The following POU2F1 variants were observed in gnomAD, a reference collection of about 807,000 sequenced individuals.
POU2F1 encodes POU domain, class 2, transcription factor 1.
POU2F1 carries 16 observed loss-of-function variants against 84.9 expected under a neutral mutation model. The ratio of observed to expected loss-of-function variants is 0.19; its 90% confidence interval spans 0.13 to 0.29. The LOEUF is 0.29. POU2F1 is among the 10% of genes least tolerant of loss of function. POU2F1 has a pLI of 1.00. For missense variants in POU2F1, 738 were observed against 942.6 expected, an observed-to-expected ratio of 0.78 and a Z score of 2.84; for synonymous variants, 368 against 368.3, an observed-to-expected ratio of 1.00 and a Z score of 0.01.
chr1:167,282,301 G>A (rs1039779509), intron 1 of POU2F1, among the ~76,000 whole-genome samples: 16 of 151,832 alleles, frequency 1.1e-4, no homozygotes, highest in Admixed American at 2.6e-4. Context: ...CCGCCACCAC[G>A]CCCAGCTAAT....
chr1:167,294,859 C>T (rs773861236), intron 1 of POU2F1, among the ~76,000 whole-genome samples: 16 of 151,988 alleles, frequency 1.1e-4, no homozygotes, highest in Non-Finnish European at 1.5e-4. Context: ...GAAGGCTGGG[C>T]ACGGTGGCTC....
Position 167,417,929 on chromosome 1 carries a change from T to C in POU2F1, c.*2119T>C, listed in dbSNP as rs1650414830. ...TCTATCGTGTTTTATTTCACAGATA[T>C]TTAATTACCACCCCTAAATTTCCTC... On this transcript the variant is annotated 3_prime_UTR_variant, in exon 16 of 16. Transcript: ENST00000367866. The C allele has an allele frequency of 6.6e-6, 1 of 152,230 alleles. No homozygotes were observed. The highest frequency in any genetic ancestry group is 1.5e-5 in the Non-Finnish European group (1 of 68,042). The allele number at this position is 152,230 out of a possible 1,614,324, so 9.4% of individuals were successfully genotyped here.
intron 15 of POU2F1, among the ~76,000 whole-genome samples, chr1:167,413,780 C>T (rs1045291544): frequency 6.6e-6 from 1 of 152,106 alleles, no homozygotes; most frequent in Admixed American, 6.6e-5. Flanking sequence ...AGCTTTCTGT[C>T]TAAAAATGTT....
intron 1 of POU2F1, among the ~76,000 whole-genome samples, chr1:167,237,084 A>AT (rs1331121170): frequency 6.6e-6 from 1 of 152,168 alleles, no homozygotes; most frequent in East Asian, 1.9e-4. Context: ...GAAGCTGACA[A>AT]TAAGGAGGAA....
Position 167,378,402 on chromosome 1 carries a change from ATTT to A in POU2F1, c.718+2266_718+2268del, listed in dbSNP as rs71572454. ...AGGCATGCGCCACCATGCCCAGCTAATTTTTTTTTTTTTTTTTTTTTGAGACAT... is the reference window on the plus strand; with the variant it reads ...AGGCATGCGCCACCATGCCCAGCTAATTTTTTTTTTTTTTTTTTGAGACAT... On this transcript the variant is annotated intron_variant, in intron 7 of 15. Transcript: ENST00000367866. Among the ~76,000 whole-genome samples the A allele has an allele frequency of 3.8e-4, 41 of 108,414 alleles. 1 individual carries two copies. The highest frequency in any genetic ancestry group is 1.2e-3 in the African/African-American group (33 of 28,110). The allele number at this position is 108,414 out of a possible 152,430, so 71.1% of individuals were successfully genotyped here.
At chr1:167,319,527 G>A (rs979622483) in intron 1 of POU2F1, among the ~76,000 whole-genome samples, 6 of 152,004 alleles carry the variant, frequency 3.9e-5, no homozygotes, top group Non-Finnish European at 7.4e-5. Context: ...ACTATGGCTT[G>A]TCCTTGAGAA....
At chr1:167,274,096 T>C (rs1652557522) in intron 1 of POU2F1, among the ~76,000 whole-genome samples, 1 of 152,322 alleles carries the variant, frequency 6.6e-6, no homozygotes, top group African/African-American at 2.4e-5. Flanking sequence ...TTCCTTATAA[T>C]AGTTGAAGAG....
intron 1 of POU2F1, among the ~76,000 whole-genome samples, chr1:167,283,467 G>A (rs1401591377): frequency 6.6e-6 from 1 of 152,150 alleles, no homozygotes; most frequent in African/African-American, 2.4e-5. Context: ...TCCAGTAAAT[G>A]TTTGCTGGAA....
chr1:167,222,082 G>C (rs1397801676), intron 1 of POU2F1, among the ~76,000 whole-genome samples: 1 of 152,098 alleles, frequency 6.6e-6, no homozygotes, highest in Admixed American at 6.5e-5. Flanking sequence ...GGCCCTCCGG[G>C]GCCTCTCGCT....
intron 1 of POU2F1, among the ~76,000 whole-genome samples, chr1:167,280,624 CCTTT>C (rs769791984): frequency 2.8e-4 from 42 of 152,128 alleles, no homozygotes; most frequent in Admixed American, 5.9e-4. Flanking sequence ...AGTTTTGCTT[CCTTT>C]GTTTTGAAAT....
chr1:167,328,511 C>A (rs1441748528), intron 1 of POU2F1, among the ~76,000 whole-genome samples: 1 of 152,100 alleles, frequency 6.6e-6, no homozygotes, highest in African/African-American at 2.4e-5. Flanking sequence ...TTTTGCAAAT[C>A]CTCTTATTAC....
intron 1 of POU2F1, among the ~76,000 whole-genome samples, chr1:167,322,530 AC>A (rs1178157662): frequency 6.6e-6 from 1 of 152,246 alleles, no homozygotes; most frequent in East Asian, 1.9e-4. Context: ...CTGCAGCACT[AC>A]CGGCTGTGGC....
chr1:167,309,948 A>G (rs1425300332), intron 1 of POU2F1, among the ~76,000 whole-genome samples: 3 of 152,170 alleles, frequency 2.0e-5, no homozygotes, highest in Admixed American at 1.3e-4. Context: ...TTTTAAGTCA[A>G]TTCTGGTCTC....
intron 2 of POU2F1, chr1:167,338,050 G>C (rs1309925480): frequency 2.0e-5 from 9 of 439,952 alleles, no homozygotes; most frequent in African/African-American, 1.8e-4. Flanking sequence ...AACATTTTTA[G>C]ACAAATGAAA....
chr1:167,344,362 AG>A (rs1658054669), intron 2 of POU2F1, among the ~76,000 whole-genome samples: 1 of 152,196 alleles, frequency 6.6e-6, no homozygotes, highest in East Asian at 1.9e-4. Context: ...TTTGACAATT[AG>A]TTACTGTGGG....
intron 2 of POU2F1, among the ~76,000 whole-genome samples, chr1:167,336,155 G>A (rs1444282209): frequency 6.6e-6 from 1 of 152,012 alleles, no homozygotes; most frequent in African/African-American, 2.4e-5. Flanking sequence ...GCACACACTC[G>A]ATCACATACA....
intron 1 of POU2F1, among the ~76,000 whole-genome samples, chr1:167,276,141 A>C (rs925404085): frequency 6.6e-6 from 1 of 152,218 alleles, no homozygotes; most frequent in African/African-American, 2.4e-5. Context: ...TTTAAGTTGC[A>C]TGCTGTTCTG....
chr1:167,410,804 C>G (rs1355208649), intron 13 of POU2F1, among the ~76,000 whole-genome samples: 1 of 152,140 alleles, frequency 6.6e-6, no homozygotes, highest in Non-Finnish European at 1.5e-5. Flanking sequence ...GCGTGAGCCA[C>G]CACACCTGGC....
chr1:167,241,641 G>C (rs1023982409), intron 1 of POU2F1: 2 of 151,940 alleles, frequency 1.3e-5, no homozygotes, highest in African/African-American at 4.8e-5. Flanking sequence ...TACTGTACTT[G>C]CTTGTTTATA....
Sources: gnomAD v4.1 joint callset for allele counts (sites outside exome capture counted in the v4.1 genomes callset) on GRCh38, gnomAD v4.1.1 for gene constraint, MANE v1.5 for transcripts, NCBI Gene and HGNC (gene_info 2026-07-23, HGNC 2026-07-21) for gene names.